Variants in SMG6 observed in about 807,000 individuals in gnomAD.
SMG6 encodes the protein telomerase-binding protein EST1A.
In SMG6, 66 loss-of-function variants were observed where a neutral mutation model predicts 142.2. That is an observed-to-expected ratio of 0.46 (90% CI 0.38 to 0.57). SMG6 has a LOEUF of 0.57. Ranked by LOEUF, SMG6 falls within the 20% of genes least tolerant of loss-of-function variation. The pLI is 0.00. For synonymous variants in SMG6, 779 were observed against 702.4 expected, an observed-to-expected ratio of 1.11 and a Z score of -1.72; for missense variants, 1,793 against 1,832.0, an observed-to-expected ratio of 0.98 and a Z score of 0.39.
In SMG6 at chr17:2,060,979, G is replaced by C. The variant is rs1018999057; in HGVS notation, c.*513C>G. ...GTTCATGGGCGAGTCCAGGCCTCAGGGAGACTGGGGACACACACCCTGGGC... is the reference window on the plus strand; with the variant it reads ...GTTCATGGGCGAGTCCAGGCCTCAGCGAGACTGGGGACACACACCCTGGGC... On this transcript the variant is annotated 3_prime_UTR_variant, in exon 19 of 19. Coordinates refer to ENST00000263073, the MANE Select transcript of SMG6 (RefSeq NM_017575.5). The C allele has an allele frequency of 1.5e-4, 24 of 155,106 alleles. No individual in the cohort carries two copies. In the South Asian group the frequency reaches 4.4e-3, roughly 29 times the overall value. The allele number at this position is 155,106 out of a possible 1,614,324, so 9.6% of individuals were successfully genotyped here.
chr17:2,082,216 C>T (rs1209015745), intron 14 of SMG6: 2 of 480,330 alleles, frequency 4.2e-6, no homozygotes, highest in African/African-American at 1.9e-5. Flanking sequence ...CTCGCAATCA[C>T]ACATATATAC....
chr17:2,063,468 G>A (rs1195918076), intron 18 of SMG6, among the ~76,000 whole-genome samples: 1 of 152,230 alleles, frequency 6.6e-6, no homozygotes, highest in East Asian at 1.9e-4. Flanking sequence ...CCCCCGGATG[G>A]CAATGGGTTC....
chr17:2,254,444 C>T (rs1049263378), intron 8 of SMG6, among the ~76,000 whole-genome samples: 4 of 152,194 alleles, frequency 2.6e-5, no homozygotes, highest in South Asian at 2.1e-4. Context: ...AAGCAACAAT[C>T]GTGCCTCAGC....
chr17:2,074,474 G>A (rs1310808498), intron 15 of SMG6, among the ~76,000 whole-genome samples: 2 of 152,162 alleles, frequency 1.3e-5, no homozygotes, highest in Non-Finnish European at 2.9e-5. Context: ...TTCATTTGGG[G>A]TACACTGCAA....
intron 10 of SMG6, among the ~76,000 whole-genome samples, chr17:2,226,438 G>A (rs1216851039): frequency 6.6e-6 from 1 of 151,766 alleles, no homozygotes. Flanking sequence ...AATTAGCCGG[G>A]TGTGGTGGTG....
intron 12 of SMG6, among the ~76,000 whole-genome samples, chr17:2,174,506 C>A (rs1435226686): frequency 3.9e-5 from 6 of 152,182 alleles, no homozygotes; most frequent in Non-Finnish European, 8.8e-5. Flanking sequence ...TAGGAAAAGG[C>A]AATGAAATGA....
At chr17:2,090,197 A>G (rs1398107398) in intron 13 of SMG6, among the ~76,000 whole-genome samples, 1 of 151,258 alleles carries the variant, frequency 6.6e-6, no homozygotes, top group Non-Finnish European at 1.5e-5. Flanking sequence ...AAAAAAAAAA[A>G]AAAAAGGAAA....
intron 8 of SMG6, among the ~76,000 whole-genome samples, chr17:2,279,120 T>C (rs1015596868): frequency 2.6e-5 from 4 of 152,180 alleles, no homozygotes; most frequent in African/African-American, 9.7e-5. Context: ...ATGGCCAGTC[T>C]CAGGGATCAG....
At chr17:2,197,656 A>C (rs1472212608) in intron 10 of SMG6, among the ~76,000 whole-genome samples, 4 of 152,140 alleles carry the variant, frequency 2.6e-5, no homozygotes, top group African/African-American at 9.7e-5. Flanking sequence ...CATTTAGAAA[A>C]TGGGCAAAAA....
At chr17:2,269,779 G>T (rs562048724) in intron 8 of SMG6, among the ~76,000 whole-genome samples, 1 of 152,264 alleles carries the variant, frequency 6.6e-6, no homozygotes, top group Non-Finnish European at 1.5e-5. Context: ...AGGGAAACAA[G>T]GTTATCACTG....
chr17:2,215,233 A>G (rs76679040), intron 10 of SMG6, among the ~76,000 whole-genome samples: 37 of 114,884 alleles, frequency 3.2e-4, no homozygotes, highest in Middle Eastern at 4.7e-3. Context: ...ACGCGCGCGC[A>G]CACACACACA....
chr17:2,070,460 C>G (rs1315021389), intron 15 of SMG6, among the ~76,000 whole-genome samples: 3 of 152,362 alleles, frequency 2.0e-5, no homozygotes, highest in East Asian at 3.9e-4. Context: ...GACCCAGATG[C>G]AGGCACAGGG....
chr17:2,146,830 A>G (rs2070683253), intron 13 of SMG6, among the ~76,000 whole-genome samples: 1 of 152,122 alleles, frequency 6.6e-6, no homozygotes, highest in Non-Finnish European at 1.5e-5. Flanking sequence ...CCTCCCAAAA[A>G]GCTGGGATTA....
chr17:2,297,809 G>C (rs867824666), intron 3 of SMG6, 54 bp downstream of exon 3: 8 of 1,555,406 alleles, frequency 5.1e-6, no homozygotes, highest in African/African-American at 2.8e-5. Flanking sequence ...AAAATCCATC[G>C]TAACTACAGA....
In SMG6 at chr17:2,087,601, C is replaced by A. The variant is rs1017868566; in HGVS notation, c.3358-1700G>T. On this transcript the variant is annotated intron_variant, in intron 13 of 18. Coordinates refer to ENST00000263073, the MANE Select transcript of SMG6 (RefSeq NM_017575.5). ...AGTTCAGCCCCTTGAGCTTGGGGTG[C>A]CTGGTCCTGGGCTTGCCTCCGTGAA... 1.6e-5 allele frequency: 16 copies of A among 1,000,686 alleles called. No individual in the cohort carries two copies. In the Admixed American group the frequency reaches 1.6e-4, roughly 10 times the overall value. The allele number at this position is 1,000,686 out of a possible 1,614,324, so 62.0% of individuals were successfully genotyped here.
At chr17:2,081,080 T>C (rs2068410111) in intron 15 of SMG6, among the ~76,000 whole-genome samples, 1 of 152,158 alleles carries the variant, frequency 6.6e-6, no homozygotes, top group Non-Finnish European at 1.5e-5. Context: ...AAGGACAGGG[T>C]TGGAAATGGG....
At position 2,061,463 on chromosome 17, in the gene SMG6, C is replaced by A; in HGVS notation, c.*29G>T. On this transcript the variant is annotated 3_prime_UTR_variant, in exon 19 of 19. Coordinates refer to ENST00000263073, the MANE Select transcript of SMG6 (RefSeq NM_017575.5). Reference sequence around the variant, plus strand: ...CCTGGTGGCCTTTCAGGAACGGTTCCACGGGGGGGGGGCCCCAGTGTGGCT... The same window carrying A: ...CCTGGTGGCCTTTCAGGAACGGTTCAACGGGGGGGGGGCCCCAGTGTGGCT... 1 of 1,438,780 alleles carries A rather than the reference C, an allele frequency of 7.0e-7. No individual in the cohort carries two copies. The highest frequency in any genetic ancestry group is 9.1e-7 in the Non-Finnish European group (1 of 1,094,488). 89.1% of individuals were successfully genotyped at this position (1,438,780 alleles called of 1,614,324 possible).
chr17:2,128,089 G>A lies in SMG6; in HGVS notation c.3358-42188C>T, dbSNP rs186096008. 4.7e-4 allele frequency among the ~76,000 whole-genome samples: 71 copies of A among 152,304 alleles called. 1 individual carries two copies. The East Asian group carries it at 0.012, about 26-fold the overall frequency. On this transcript the variant is annotated intron_variant, in intron 13 of 18. Coordinates refer to ENST00000263073, the MANE Select transcript of SMG6 (RefSeq NM_017575.5). ...TCCAGCAGACTCCTGCAGGAAGTGA[G>A]TATAGGCACCATGCTGAAGCATGGG...
At chr17:2,091,699 C>T (rs2068721496) in intron 13 of SMG6, among the ~76,000 whole-genome samples, 1 of 146,104 alleles carries the variant, frequency 6.8e-6, no homozygotes, top group African/African-American at 2.6e-5. Flanking sequence ...GAGAGAGAGT[C>T]TCGCTCTGTT....
Sources: allele counts gnomAD v4.1 joint callset (sites outside exome capture counted in the v4.1 genomes callset), GRCh38; gene constraint gnomAD v4.1.1; transcripts MANE v1.5; gene names NCBI Gene and HGNC (gene_info 2026-07-23, HGNC 2026-07-21).